The following DAB2 variants were observed in gnomAD, a reference collection of about 807,000 sequenced individuals.
DAB2 encodes DAB adaptor protein 2.
In DAB2, 28 loss-of-function variants were observed where a neutral mutation model predicts 71.6. That is an observed-to-expected ratio of 0.39 (90% confidence interval 0.29 to 0.54). The LOEUF is 0.54. Among genes scored for constraint, DAB2 ranks in the 20% least tolerant of loss-of-function variants. The probability of loss-of-function intolerance (pLI) is 0.68; values close to 1 mark genes in which losing one functional copy is unlikely to be tolerated. For synonymous variants in DAB2, 345 were observed against 339.7 expected, an observed-to-expected ratio of 1.02 and a Z score of -0.17; for missense variants, 867 against 928.8, an observed-to-expected ratio of 0.93 and a Z score of 0.86.
intron 1 of DAB2, among the ~76,000 whole-genome samples, chr5:39,413,208 C>T (rs150463700): frequency 3.4e-4 from 51 of 152,166 alleles, no homozygotes; most frequent in African/African-American, 1.1e-3. Context: ...TCAACATTGC[C>T]GGTTTCTTTC....
intron 7 of DAB2, 35 bp from the exon 8 acceptor site, chr5:39,388,887 A>G: frequency 1.9e-6 from 3 of 1,564,236 alleles, no homozygotes; most frequent in Non-Finnish European, 2.6e-6. Context: ...GATTTAGTTG[A>G]GCTTTGTCTA....
intron 11 of DAB2, among the ~76,000 whole-genome samples, chr5:39,378,312 A>G (rs1458191945): frequency 6.6e-6 from 1 of 152,224 alleles, no homozygotes; most frequent in African/African-American, 2.4e-5. Flanking sequence ...TTAATGATTC[A>G]GTTAAACTCA....
intron 12 of DAB2, 66 bp from the exon 13 acceptor site, chr5:39,376,172 T>C (rs1561364113): frequency 7.9e-7 from 1 of 1,270,098 alleles, no homozygotes; most frequent in Admixed American, 2.1e-5. Flanking sequence ...AGTCCCCGAG[T>C]CAGCTTATTT....
At chr5:39,392,939 C>T (rs1388879141) in intron 3 of DAB2, among the ~76,000 whole-genome samples, 1 of 152,198 alleles carries the variant, frequency 6.6e-6, no homozygotes, top group Non-Finnish European at 1.5e-5. Context: ...TATAGTAAGA[C>T]AAGCAATGCA....
intron 14 of DAB2, among the ~76,000 whole-genome samples, chr5:39,374,002 T>G (rs1403932066): frequency 6.6e-6 from 1 of 152,194 alleles, no homozygotes; most frequent in Non-Finnish European, 1.5e-5. Flanking sequence ...TGAAGCAGTT[T>G]ATGGAAAGGT....
chr5:39,381,707 G>C (rs1191127135), intron 10 of DAB2, 91 bp from the exon 11 acceptor site: 4 of 1,431,212 alleles, frequency 2.8e-6, no homozygotes, highest in Non-Finnish European at 3.8e-6. Context: ...ACCCCAATTT[G>C]AGAGCCACAA....
Position 39,377,091 on chromosome 5 carries a change from G to T in DAB2, c.1696C>A (p.Pro566Thr). 3.1e-6 allele frequency: 5 copies of T among 1,614,180 alleles called. No individual in the cohort carries two copies. Among genetic ancestry groups the T allele is most frequent in the Non-Finnish European group, 4.2e-6 (5 of 1,180,026 alleles). ...CCCCAGACAACAGGCACTGGAGGGGGAGTTGAGGCTGCAAAGGGTGAAGGC... is the reference window on the plus strand; with the variant it reads ...CCCCAGACAACAGGCACTGGAGGGGTAGTTGAGGCTGCAAAGGGTGAAGGC... ...NQPSPFAAST[P>T]PPVPVVWGPS... Residue 566 changes from proline to threonine, a missense_variant, in exon 12 of 15, where the codon CCC (proline) becomes ACC (threonine). By Grantham distance (38) the Pro-to-Thr change is conservative (BLOSUM62 -1). Coordinates refer to ENST00000320816, the MANE Select transcript of DAB2 (RefSeq NM_001343.4).
intron 1 of DAB2, among the ~76,000 whole-genome samples, chr5:39,412,964 A>C (rs1561379946): frequency 1.3e-5 from 2 of 152,170 alleles, no homozygotes; most frequent in Admixed American, 6.5e-5. Context: ...CTGCTTGGCT[A>C]TAATATAGGG....
rs3024228 is a variant in DAB2 at position 39,395,937 on chromosome 5, C to CTTTTTTTTTTTT, written c.-101-1528_-101-1517dup. 4.2e-3 allele frequency among the ~76,000 whole-genome samples: 311 copies of CTTTTTTTTTTTT among 74,858 alleles called. 75 individuals carry two copies. The highest frequency in any genetic ancestry group is 6.2e-3 in the African/African-American group (112 of 17,994). 49.1% of individuals were successfully genotyped at this position (74,858 alleles called of 152,430 possible). ...GAGGGAAGGCTAAGACACAGATATT[C>CTTTTTTTTTTTT]TTTTTTTTTTTTTTTTTTTTTTTGA... On this transcript the variant is annotated intron_variant, in intron 1 of 14. Transcript: ENST00000320816.
At chr5:39,421,038 T>C (rs1755972119) in intron 1 of DAB2, among the ~76,000 whole-genome samples, 1 of 152,082 alleles carries the variant, frequency 6.6e-6, no homozygotes, top group Non-Finnish European at 1.5e-5. Flanking sequence ...GATTGCTCCT[T>C]CTCTGTCAGG....
In DAB2 at chr5:39,377,293, AG is replaced by A; in HGVS notation, c.1505-12del. 1 of 1,601,054 alleles carries A rather than the reference AG, an allele frequency of 6.2e-7. No homozygotes were observed. The highest frequency in any genetic ancestry group is 1.1e-5 in the South Asian group (1 of 89,230). On this transcript the variant is annotated splice_polypyrimidine_tract_variant and intron_variant, in intron 11 of 14. Transcript: ENST00000320816. ...TGACAGTTACACCACCTGAAGTAAG[AG>A]GAAGAAAAATACTTATCAGGAGTCA...
At chr5:39,424,470 T>TACACAC (rs56974213) in intron 1 of DAB2, among the ~76,000 whole-genome samples, 8 of 134,458 alleles carry the variant, frequency 5.9e-5, no homozygotes, top group Non-Finnish European at 9.5e-5. Flanking sequence ...GCAGACCTTT[T>TACACAC]ACACACACAC....
chr5:39,405,263 GTTGAA>G (rs1420103439), intron 1 of DAB2, among the ~76,000 whole-genome samples: 1 of 152,186 alleles, frequency 6.6e-6, no homozygotes. Context: ...GAGGCTTGAG[GTTGAA>G]TTAATTGGCA....
At position 39,382,671 on chromosome 5, in the gene DAB2, T is replaced by C. The variant is rs148242258; in HGVS notation, c.1288A>G (p.Ile430Val). Residue 430 changes from isoleucine to valine, a missense_variant, in exon 10 of 15, where the codon ATT (isoleucine) becomes GTT (valine). Transcript: ENST00000320816. ...VQSSPHDSIAIIPPPQSTKPG... is the reference protein window; with the variant it reads ...VQSSPHDSIAVIPPPQSTKPG... The stretch of plus-strand genomic sequence containing the variant: ...TTGGTACTTTGTGGAGGTGGGATAA[T>C]GGCTATGGAGTCATGTGGTGAGGAC... The C allele has an allele frequency of 1.3e-3, 2,087 of 1,614,034 alleles. 1 individual carries two copies. Among genetic ancestry groups the C allele is most frequent in the Non-Finnish European group, 1.4e-3 (1,613 of 1,180,008 alleles).
intron 1 of DAB2, among the ~76,000 whole-genome samples, chr5:39,397,365 C>A (rs1037467076): frequency 2.0e-5 from 3 of 152,182 alleles, no homozygotes; most frequent in Non-Finnish European, 4.4e-5. Flanking sequence ...CCCCCTCCTG[C>A]AAGCTTTATA....
intron 11 of DAB2, 56 bp downstream of exon 11, chr5:39,381,398 T>A: frequency 1.3e-6 from 2 of 1,553,776 alleles, no homozygotes; most frequent in Non-Finnish European, 8.8e-7. Flanking sequence ...CGATGCATCA[T>A]CATTTTATGA....
Position 39,388,288 on chromosome 5 carries a change from T to A in DAB2, c.687+17A>T, listed in dbSNP as rs762307434. The A allele has an allele frequency of 6.9e-6, 11 of 1,586,690 alleles. No homozygotes were observed. Among genetic ancestry groups the A allele is most frequent in the South Asian group, 1.1e-5 (1 of 87,642 alleles). On this transcript the variant is annotated intron_variant, in intron 9 of 14. Transcript: ENST00000320816. Reference sequence around the variant, plus strand: ...ATGTCATTTTATTACATTGCAAATTTAAAAACAAACACTTACTGTTGGACT... The same window carrying A: ...ATGTCATTTTATTACATTGCAAATTAAAAAACAAACACTTACTGTTGGACT...
At chr5:39,404,991 T>C (rs924694520) in intron 1 of DAB2, among the ~76,000 whole-genome samples, 2 of 151,978 alleles carry the variant, frequency 1.3e-5, no homozygotes, top group Non-Finnish European at 2.9e-5. Context: ...GCTTTGTTGT[T>C]TCAGCACAAG....
At chr5:39,375,313 T>G (rs1754799674) in intron 13 of DAB2, among the ~76,000 whole-genome samples, 1 of 152,144 alleles carries the variant, frequency 6.6e-6, no homozygotes, top group Non-Finnish European at 1.5e-5. Context: ...CTCCCCGAAA[T>G]GGGAAGTATT....
Sources: allele counts gnomAD v4.1 joint callset (sites outside exome capture counted in the v4.1 genomes callset), GRCh38; gene constraint gnomAD v4.1.1; transcripts MANE v1.5; gene names NCBI Gene and HGNC (gene_info 2026-07-23, HGNC 2026-07-21).